The following KCNA2 variants were observed in gnomAD, a reference collection of about 807,000 sequenced individuals.
KCNA2 encodes the protein potassium channel, voltage gated shaker related subfamily A, member 2.
A neutral mutation model predicts 33.4 loss-of-function variants in KCNA2; 11 were observed. That is an observed-to-expected ratio of 0.33 (90% CI 0.21 to 0.55). The LOEUF is 0.55. Ranked by LOEUF, KCNA2 falls within the 20% of genes least tolerant of loss-of-function variation. The pLI, the probability that KCNA2 is intolerant of heterozygous loss-of-function variation, is 0.93. For synonymous variants in KCNA2, 222 were observed against 231.3 expected (o/e 0.96, Z 0.37); for missense variants, 291 against 621.6 (o/e 0.47, Z 5.66).
chr1:110,621,121 C>T (rs561965353), intron 1 of KCNA2, among the ~76,000 whole-genome samples: 20 of 152,320 alleles, frequency 1.3e-4, no homozygotes, highest in East Asian at 3.9e-4. Context: ...TTCCTGGGTG[C>T]GGATACTGGC....
At chr1:110,627,109 A>G (rs1234613940) in intron 1 of KCNA2, among the ~76,000 whole-genome samples, 1 of 152,160 alleles carries the variant, frequency 6.6e-6, no homozygotes, top group Non-Finnish European at 1.5e-5. Flanking sequence ...AAGAGGTAAA[A>G]CCAGACATGG....
At chr1:110,623,515 A>G (rs541301972) in intron 1 of KCNA2, among the ~76,000 whole-genome samples, 1 of 152,366 alleles carries the variant, frequency 6.6e-6, no homozygotes, top group Admixed American at 6.5e-5. Context: ...CATTAAGAAA[A>G]TGAAAACATA....
upstream of KCNA2, among the ~76,000 whole-genome samples, chr1:110,610,427 C>T (rs1649826744): frequency 6.6e-6 from 1 of 152,192 alleles, no homozygotes; most frequent in South Asian, 2.1e-4. Flanking sequence ...TGGCACAGTC[C>T]CCACTCACTC....
Position 110,600,044 on chromosome 1 carries a change from T to C in KCNA2, c.*3239A>G, listed in dbSNP as rs1187366887. ...GTTACTTCTCAGGAGTGAAATCTGG[T>C]AGTGAGAGAAAAGAATAGAGAAAGA... On this transcript the variant is annotated 3_prime_UTR_variant, in exon 3 of 3. Coordinates refer to ENST00000316361, the MANE Select transcript of KCNA2 (RefSeq NM_004974.4). 2 of 984,370 alleles carry C rather than the reference T, an allele frequency of 2.0e-6. No homozygotes were observed. The highest frequency in any genetic ancestry group is 1.8e-5 in the African/African-American group (1 of 56,618). 61.0% of individuals were successfully genotyped at this position (984,370 alleles called of 1,614,324 possible). A position where few individuals can be genotyped will look rare whatever the true frequency, so the allele number is the denominator to read the frequency against.
upstream of KCNA2, among the ~76,000 whole-genome samples, chr1:110,608,535 T>A (rs1649758884): frequency 6.6e-6 from 1 of 152,196 alleles, no homozygotes; most frequent in African/African-American, 2.4e-5. Context: ...GGACTCCGGA[T>A]TCTGGCGTTT....
At chr1:110,626,664 G>T (rs1382357896) in intron 1 of KCNA2, among the ~76,000 whole-genome samples, 1 of 152,124 alleles carries the variant, frequency 6.6e-6, no homozygotes, top group African/African-American at 2.4e-5. Flanking sequence ...CAACCATGTT[G>T]AAGTGTTGTT....
Position 110,604,680 on chromosome 1 carries a change from C to T in KCNA2, c.103G>A (p.Val35Met), listed in dbSNP as rs762125530. 6 of 1,614,096 alleles carry T rather than the reference C, an allele frequency of 3.7e-6. No individual in the cohort carries two copies. The South Asian group carries it at 5.5e-5, about 15-fold the overall frequency. Residue 35 changes from valine (V) to methionine (M), a missense_variant, in exon 3 of 3, where the codon GTG becomes ATG. By Grantham distance (21) the Val-to-Met change is conservative. Coordinates refer to ENST00000316361, the MANE Select transcript of KCNA2 (RefSeq NM_004974.4). The surrounding 1 kb of genome is among the most constrained non-coding windows in gnomAD (Gnocchi z 7.6). Reference sequence around the variant, plus strand: ...CGCAGCCCTGAGATGTTGATCACCACCCTCTCACAGCACTCGTGGTCTGCC... The same window carrying T: ...CGCAGCCCTGAGATGTTGATCACCATCCTCTCACAGCACTCGTGGTCTGCC... ...PEADHECCER[V>M]VINISGLRFE...
In KCNA2 at chr1:110,604,539, G is replaced by A. The variant is rs1433727837; in HGVS notation, c.244C>T (p.Arg82Cys). ...LRNEYFFDRN[R>C]PSFDAILYYY... is the part of the protein sequence containing the mutation. ...TACAAAATGGCATCAAAGCTAGGGC[G>A]GTTCCGATCGAAAAAGTACTCATTT... The change falls in exon 3 of 3, where the codon CGC (arginine) becomes TGC (cysteine). Residue 82 changes from arginine to cysteine, a missense_variant. Around this residue, in one of 5 missense-constraint regions of KCNA2, gnomAD observed 163 missense variants for 273.5 expected, o/e 0.60. Coordinates refer to ENST00000316361, the MANE Select transcript of KCNA2 (RefSeq NM_004974.4). The surrounding 1 kb of genome is among the most constrained non-coding windows in gnomAD (Gnocchi z 7.6). The A allele has an allele frequency of 2.5e-6, 4 of 1,614,184 alleles. No homozygotes were observed. Among genetic ancestry groups the A allele is most frequent in the African/African-American group, 1.3e-5 (1 of 75,050 alleles).
upstream of KCNA2, among the ~76,000 whole-genome samples, chr1:110,608,249 G>C (rs769955075): frequency 5.3e-5 from 8 of 152,210 alleles, no homozygotes; most frequent in Non-Finnish European, 1.0e-4. Flanking sequence ...GCCTAGATAG[G>C]GCATCCGAGA....
In KCNA2 at chr1:110,598,573, C is replaced by T. The variant is rs532430453; in HGVS notation, c.*4710G>A. On this transcript the variant is annotated 3_prime_UTR_variant, in exon 3 of 3. Transcript: ENST00000316361. ...AAGCTAGTCCTGGGCCCTCCCAACA[C>T]GGAGCAGCAACATGAACACCCAGGC... 147 of 985,416 alleles carry T rather than the reference C, an allele frequency of 1.5e-4. 3 individuals carry two copies. The South Asian group carries it at 2.8e-3, about 19-fold the overall frequency. The allele number at this position is 985,416 out of a possible 1,614,324, so 61.0% of individuals were successfully genotyped here. A position where few individuals can be genotyped will look rare whatever the true frequency, so the allele number is the denominator to read the frequency against.
chr1:110,594,439 G>A lies in KCNA2; in HGVS notation c.*8844C>T. ...AGGAAATAGCATCCTCCACTCATGA[G>A]CTTTACAGCTATGTCCCTGATGAAA... is the stretch of plus-strand genomic sequence containing the variant. On this transcript the variant is annotated 3_prime_UTR_variant, in exon 3 of 3. Transcript: ENST00000316361. 4 of 985,324 alleles carry A rather than the reference G, an allele frequency of 4.1e-6. No individual in the cohort carries two copies. The highest frequency in any genetic ancestry group is 3.6e-6 in the Non-Finnish European group (3 of 829,916). The allele number at this position is 985,324 out of a possible 1,614,324, so 61.0% of individuals were successfully genotyped here.
At chr1:110,611,130 T>C (rs1038087159), upstream of KCNA2, among the ~76,000 whole-genome samples, 4 of 152,138 alleles carry the variant, frequency 2.6e-5, no homozygotes, top group African/African-American at 9.7e-5. Context: ...CAGAGGATAA[T>C]ACCCATGGAG....
rs760066263 is a variant in KCNA2 at position 110,604,315 on chromosome 1, T to C, written c.468A>G (p.Pro156=). The C allele has an allele frequency of 1.9e-6, 3 of 1,613,524 alleles. No individual in the cohort carries two copies. Among genetic ancestry groups the C allele is most frequent in the Middle Eastern group, 1.6e-4 (1 of 6,084 alleles). ...TAATCCTGGCAGGCCCTGAGCTCTC[T>C]GGGTATTCAAAGAGAAGCCACACTT... ...QRQVWLLFEY[P]ESSGPARIIA... is the part of the protein sequence containing the mutation. Residue 156 remains proline, a synonymous_variant, in exon 3 of 3, where the codon CCA becomes CCG. Transcript: ENST00000316361. The surrounding 1 kb of genome is among the most constrained non-coding windows in gnomAD (Gnocchi z 7.6).
chr1:110,620,001 G>A (rs548667976), intron 1 of KCNA2, among the ~76,000 whole-genome samples: 3 of 152,034 alleles, frequency 2.0e-5, no homozygotes, highest in African/African-American at 7.2e-5. Flanking sequence ...GCTGTGAACT[G>A]CGATTGTGTG....
chr1:110,628,014 C>T (rs1349934541), intron 1 of KCNA2, among the ~76,000 whole-genome samples: 2 of 152,166 alleles, frequency 1.3e-5, no homozygotes, highest in Non-Finnish European at 2.9e-5. Context: ...CACTGAATTT[C>T]CTCATTTCTT....
intron 1 of KCNA2, among the ~76,000 whole-genome samples, chr1:110,629,342 A>G (rs1650486371): frequency 6.6e-6 from 1 of 152,180 alleles, no homozygotes; most frequent in African/African-American, 2.4e-5. Context: ...TGGTTTTGGA[A>G]ATGCATTTTT....
Position 110,604,876 on chromosome 1 carries a change from A to T in KCNA2, c.-94T>A. 8.3e-7 allele frequency: 1 copy of T among 1,204,472 alleles called. No individual in the cohort carries two copies. The highest frequency in any genetic ancestry group is 1.2e-6 in the Non-Finnish European group (1 of 848,332). The allele number at this position is 1,204,472 out of a possible 1,614,324, so 74.6% of individuals were successfully genotyped here. On this transcript the variant is annotated 5_prime_UTR_variant, in exon 3 of 3. Transcript: ENST00000316361. The surrounding 1 kb of genome is among the most constrained non-coding windows in gnomAD (Gnocchi z 7.6). The stretch of plus-strand genomic sequence containing the variant: ...TGCTACTGGCCCCAGGAAGCACAGG[A>T]GCATTGGCCTGGTCTCCTGCAGGAG...
Position 110,603,672 on chromosome 1 carries a change from A to C in KCNA2, c.1111T>G (p.Ser371Ala). 1 of 1,613,984 alleles carries C rather than the reference A, an allele frequency of 6.2e-7. No homozygotes were observed. The highest frequency in any genetic ancestry group is 2.2e-5 in the East Asian group (1 of 44,896). The stretch of plus-strand genomic sequence containing the variant: ...TCTCCATAGCCTACAGTTGTCATGG[A>C]GACGACTGCCCACCAGAAGGCATCT... Reference protein sequence around the residue: ...IPDAFWWAVVSMTTVGYGDMV... With the variant: ...IPDAFWWAVVAMTTVGYGDMV... Residue 371 changes from serine to alanine, a missense_variant, in exon 3 of 3, where the codon TCC (serine) becomes GCC (alanine). By Grantham distance (99) the Ser-to-Ala change is moderately conservative. Around this residue, in one of 5 missense-constraint regions of KCNA2, gnomAD observed 9 missense variants for 77.4 expected, o/e 0.12. Transcript: ENST00000316361. This position sits in a 1 kb window ranked among gnomAD's most constrained non-coding sequence, Gnocchi z 5.7.
chr1:110,604,338 C>T lies in KCNA2; in HGVS notation c.445G>A (p.Val149Met), dbSNP rs1345881188. ...TCTGGGTATTCAAAGAGAAGCCACA[C>T]TTGTCTCTGAAACTCATTTTCAGGC... Reference protein sequence around the residue: ...PLPENEFQRQVWLLFEYPESS... With the variant: ...PLPENEFQRQMWLLFEYPESS... The change falls in exon 3 of 3, where the codon GTG becomes ATG. Residue 149 changes from valine to methionine, a missense_variant. This residue lies in a region of KCNA2 where 163 missense variants were observed against 273.5 expected (regional missense o/e 0.60). Coordinates refer to ENST00000316361, the MANE Select transcript of KCNA2 (RefSeq NM_004974.4). This position sits in a 1 kb window ranked among gnomAD's most constrained non-coding sequence, Gnocchi z 7.6. 6.2e-7 allele frequency: 1 copy of T among 1,613,750 alleles called. No individual in the cohort carries two copies. Among genetic ancestry groups the T allele is most frequent in the Non-Finnish European group, 8.5e-7 (1 of 1,179,918 alleles).
Sources: gnomAD v4.1 joint callset for allele counts (sites outside exome capture counted in the v4.1 genomes callset) on GRCh38, gnomAD v4.1.1 for gene constraint, gnomAD v4.1.1 regional missense constraint, Gnocchi (gnomAD v3.1) non-coding constraint, MANE v1.5 for transcripts, NCBI Gene and HGNC (gene_info 2026-07-23, HGNC 2026-07-21) for gene names.